Variants in NAALADL2 observed in about 807,000 individuals in gnomAD.
The protein encoded by NAALADL2 is N-acetylated alpha-linked acidic dipeptidase like 2.
In NAALADL2, 76 loss-of-function variants were observed where a neutral mutation model predicts 87.2. That is an observed-to-expected ratio of 0.87 (90% CI 0.72 to 1.05). The LOEUF (loss-of-function observed/expected upper bound fraction) is 1.05, where lower values mean the gene tolerates loss of function less well. Ranked by LOEUF, NAALADL2 falls within the 50% of genes least tolerant of loss-of-function variation. The probability of loss-of-function intolerance (pLI) is 0.00; values close to 1 mark genes in which losing one functional copy is unlikely to be tolerated. For synonymous variants in NAALADL2, 354 were observed against 331.0 expected, an observed-to-expected ratio of 1.07 and a Z score of -0.75; for missense variants, 1,089 against 945.8, an observed-to-expected ratio of 1.15 and a Z score of -1.99.
chr3:174,958,711 A>G (rs540817664), intron 1 of NAALADL2, among the ~76,000 whole-genome samples: 2 of 152,216 alleles, frequency 1.3e-5, no homozygotes, highest in African/African-American at 4.8e-5. Context: ...CATTACAAAT[A>G]GGTTAATACA....
At chr3:174,860,923 G>C (rs773005153) in intron 1 of NAALADL2, among the ~76,000 whole-genome samples, 2 of 151,936 alleles carry the variant, frequency 1.3e-5, no homozygotes, top group Non-Finnish European at 2.9e-5. Context: ...CCATATATAT[G>C]TATAAAACTA....
chr3:175,499,051 A>G (rs1382945828), intron 9 of NAALADL2, among the ~76,000 whole-genome samples: 1 of 152,048 alleles, frequency 6.6e-6, no homozygotes, highest in Non-Finnish European at 1.5e-5. Context: ...TACAGAGGCT[A>G]CTCTACATAC....
At chr3:175,119,735 A>G (rs1725846070) in intron 2 of NAALADL2, among the ~76,000 whole-genome samples, 1 of 146,740 alleles carries the variant, frequency 6.8e-6, no homozygotes, top group Non-Finnish European at 1.5e-5. Flanking sequence ...ATAAGAATAG[A>G]TATATACTTA....
intron 5 of NAALADL2, among the ~76,000 whole-genome samples, chr3:175,407,191 TA>T (rs1300912208): frequency 3.9e-5 from 6 of 152,186 alleles, no homozygotes; most frequent in African/African-American, 1.4e-4. Context: ...CTGAAAAAAA[TA>T]AAATAATAAA....
chr3:175,245,989 G>C (rs879509505), intron 3 of NAALADL2, among the ~76,000 whole-genome samples: 2 of 152,132 alleles, frequency 1.3e-5, no homozygotes, highest in African/African-American at 2.4e-5. Flanking sequence ...CCACAGGAGT[G>C]GGGGAAGGCA....
At chr3:174,518,097 A>G (rs1453519220) in intron 1 of NAALADL2, among the ~76,000 whole-genome samples, 1 of 152,100 alleles carries the variant, frequency 6.6e-6, no homozygotes, top group Non-Finnish European at 1.5e-5. Context: ...AGTAATCACT[A>G]ACCAGCTGTA....
intron 10 of NAALADL2, among the ~76,000 whole-genome samples, chr3:175,584,659 A>G (rs995706748): frequency 6.6e-6 from 1 of 152,254 alleles, no homozygotes; most frequent in African/African-American, 2.4e-5. Context: ...GGCGTAGCCT[A>G]TTCATCCTAG....
chr3:175,256,583 G>A (rs1263977774), intron 4 of NAALADL2, 53 bp downstream of exon 4: 3 of 1,572,848 alleles, frequency 1.9e-6, no homozygotes, highest in African/African-American at 1.4e-5. Context: ...GCCTTGTTTT[G>A]TTGGAATTAT....
intron 1 of NAALADL2, among the ~76,000 whole-genome samples, chr3:174,456,471 C>G (rs2035292005): frequency 1.4e-5 from 2 of 145,784 alleles, no homozygotes; most frequent in Admixed American, 1.4e-4. Context: ...TCAAACTATA[C>G]CACAGGACAA....
At position 175,804,523 on chromosome 3, in the gene NAALADL2, G is replaced by A. The variant is rs1006576375; in HGVS notation, c.*1320G>A. 5 of 151,716 alleles carry A rather than the reference G, an allele frequency of 3.3e-5. No homozygotes were observed. Among genetic ancestry groups the A allele is most frequent in the African/African-American group, 9.7e-5 (4 of 41,360 alleles). 9.4% of individuals were successfully genotyped at this position (151,716 alleles called of 1,614,324 possible). A position where few individuals can be genotyped will look rare whatever the true frequency, so the allele number is the denominator to read the frequency against. On this transcript the variant is annotated 3_prime_UTR_variant, in exon 14 of 14. Transcript: ENST00000454872. ...TTCTAATTTATCTTTAGAAATTTAT[G>A]TGAAAAATGGTTTTCCTATACTGGA...
At chr3:175,376,989 C>T (rs1007756553) in intron 5 of NAALADL2, among the ~76,000 whole-genome samples, 3 of 147,480 alleles carry the variant, frequency 2.0e-5, no homozygotes, top group Admixed American at 1.4e-4. Flanking sequence ...TATTTATTTG[C>T]TTACCTGGCC....
At chr3:175,287,037 A>G (rs917307674) in intron 4 of NAALADL2, among the ~76,000 whole-genome samples, 21 of 152,058 alleles carry the variant, frequency 1.4e-4, no homozygotes, top group Non-Finnish European at 2.5e-4. Flanking sequence ...TGAGGCCAGC[A>G]GGCTGAGGCT....
chr3:174,894,111 C>G (rs62284953), intron 1 of NAALADL2, among the ~76,000 whole-genome samples: 505 of 152,124 alleles, frequency 3.3e-3, no homozygotes, highest in Middle Eastern at 0.014. Flanking sequence ...AAAAAAGTCA[C>G]TATATCATGT....
intron 1 of NAALADL2, among the ~76,000 whole-genome samples, chr3:174,927,368 T>C (rs1185644709): frequency 2.6e-5 from 4 of 152,144 alleles, no homozygotes; most frequent in African/African-American, 7.2e-5. Context: ...CTAATAGACA[T>C]CTACAGAACT....
chr3:174,862,102 T>A (rs1273335111), intron 1 of NAALADL2, among the ~76,000 whole-genome samples: 1 of 152,026 alleles, frequency 6.6e-6, no homozygotes, highest in African/African-American at 2.4e-5. Context: ...ATTATCTAGG[T>A]AAGGAGAGAA....
chr3:174,739,875 C>T (rs932637269), intron 3 of NAALADL2, among the ~76,000 whole-genome samples: 1 of 152,004 alleles, frequency 6.6e-6, no homozygotes, highest in Non-Finnish European at 1.5e-5. Flanking sequence ...TTTAAATAAA[C>T]ATTCATTCTG....
intron 11 of NAALADL2, among the ~76,000 whole-genome samples, chr3:175,713,289 C>T (rs1033703865): frequency 3.6e-4 from 53 of 146,342 alleles, no homozygotes; most frequent in African/African-American, 1.4e-3. Flanking sequence ...TTTACTTGCC[C>T]ACCCAACAGT....
chr3:175,649,776 G>A (rs1279643399), intron 11 of NAALADL2, among the ~76,000 whole-genome samples: 1 of 151,954 alleles, frequency 6.6e-6, no homozygotes, highest in African/African-American at 2.4e-5. Context: ...TGTAAATATA[G>A]GCATACTGGT....
intron 2 of NAALADL2, among the ~76,000 whole-genome samples, chr3:175,171,536 G>T (rs1443452193): frequency 6.6e-6 from 1 of 152,000 alleles, no homozygotes; most frequent in African/African-American, 2.4e-5. Context: ...AGTATGAAAA[G>T]TTAGATATTT....
Sources: gnomAD v4.1 joint callset for allele counts (sites outside exome capture counted in the v4.1 genomes callset) on GRCh38, gnomAD v4.1.1 for gene constraint, MANE v1.5 for transcripts, NCBI Gene and HGNC (gene_info 2026-07-23, HGNC 2026-07-21) for gene names.